CYP2F1: variants seen among roughly 807,000 people sequenced by gnomAD.
CYP2F1 encodes the protein cytochrome P450 2F1.
In CYP2F1, 33 loss-of-function variants were observed where a neutral mutation model predicts 40.4. The observed-to-expected ratio is 0.82, with a 90% confidence interval of 0.62 to 1.09. The LOEUF (loss-of-function observed/expected upper bound fraction) is 1.09, where lower values mean the gene tolerates loss of function less well. CYP2F1 is among the 50% of genes least tolerant of loss of function. The pLI, the probability that CYP2F1 is intolerant of heterozygous loss-of-function variation, is 0.00. For synonymous variants in CYP2F1, 235 were observed against 277.2 expected, an observed-to-expected ratio of 0.85 and a Z score of 1.51; for missense variants, 566 against 655.7, an observed-to-expected ratio of 0.86 and a Z score of 1.49.
rs757503304 is a variant in CYP2F1 at position 41,120,484 on chromosome 19, C to T, written c.472C>T (p.Arg158Trp). 55 of 1,611,644 alleles carry T rather than the reference C, an allele frequency of 3.4e-5. No homozygotes were observed. Among genetic ancestry groups the T allele is most frequent in the Non-Finnish European group, 4.2e-5 (50 of 1,179,438 alleles). The stretch of plus-strand genomic sequence containing the variant: ...GGGCAGCTTCCTGCTGGCGGAGCTG[C>T]GGAAAACTGAAGGTCAGGAATTTTT... Reference protein sequence around the residue: ...EEGSFLLAELRKTEGEPFDPT... With the variant: ...EEGSFLLAELWKTEGEPFDPT... Residue 158 changes from arginine to tryptophan, a missense_variant, in exon 4 of 10, where the codon CGG becomes TGG. Transcript: ENST00000331105.
At chr19:41,117,421 T>G (rs1199592566) in intron 3 of CYP2F1, among the ~76,000 whole-genome samples, 1 of 152,116 alleles carries the variant, frequency 6.6e-6, no homozygotes, top group Non-Finnish European at 1.5e-5. Flanking sequence ...CAAGAGCCAC[T>G]GCTCCTGGCC....
At chr19:41,125,397 T>C (rs1418305648) in intron 8 of CYP2F1, 96 bp from the exon 9 acceptor site, 4 of 657,390 alleles carry the variant, frequency 6.1e-6, no homozygotes, top group Non-Finnish European at 1.1e-5. Flanking sequence ...CCACCCCTTA[T>C]CAAGTCCCCA....
At position 41,127,888 on chromosome 19, in the gene CYP2F1, G is replaced by C; in HGVS notation, c.1295-13G>C. The C allele has an allele frequency of 1.9e-6, 3 of 1,606,812 alleles. No individual in the cohort carries two copies. The highest frequency in any genetic ancestry group is 2.6e-6 in the Non-Finnish European group (3 of 1,176,172). On this transcript the variant is annotated splice_polypyrimidine_tract_variant and intron_variant, in intron 9 of 9. Coordinates refer to ENST00000331105, the MANE Select transcript of CYP2F1 (RefSeq NM_000774.5). Reference sequence around the variant, plus strand: ...TTATCTCACCGCCGCTCCCCATCCTGCCACCCCTGCAGGGCGCCGTCTGTG... The same window carrying C: ...TTATCTCACCGCCGCTCCCCATCCTCCCACCCCTGCAGGGCGCCGTCTGTG...
At chr19:41,126,234 T>G (rs1203028955) in intron 9 of CYP2F1, among the ~76,000 whole-genome samples, 1 of 151,964 alleles carries the variant, frequency 6.6e-6, no homozygotes, top group Admixed American at 6.6e-5. Context: ...AAGATTAGCC[T>G]GACCAACATG....
chr19:41,128,247 C>G lies in CYP2F1; in HGVS notation c.*165C>G. On this transcript the variant is annotated 3_prime_UTR_variant, in exon 10 of 10. Transcript: ENST00000331105. ...CCTTCCCCCATCCCTCCAATCTGTG[C>G]CCCGTCTGCAGGGCAGAGGCAGATG... 1 of 627,770 alleles carries G rather than the reference C, an allele frequency of 1.6e-6. No homozygotes were observed. Among genetic ancestry groups the G allele is most frequent in the South Asian group, 2.3e-5 (1 of 44,278 alleles). The allele number at this position is 627,770 out of a possible 1,614,324, so 38.9% of individuals were successfully genotyped here. A position where few individuals can be genotyped will look rare whatever the true frequency, so the allele number is the denominator to read the frequency against.
At position 41,128,185 on chromosome 19, in the gene CYP2F1, C is replaced by T; in HGVS notation, c.*103C>T. The T allele has an allele frequency of 8.4e-7, 1 of 1,187,242 alleles. No individual in the cohort carries two copies. Among genetic ancestry groups the T allele is most frequent in the South Asian group, 1.6e-5 (1 of 64,322 alleles). 73.5% of individuals were successfully genotyped at this position (1,187,242 alleles called of 1,614,324 possible). A position where few individuals can be genotyped will look rare whatever the true frequency, so the allele number is the denominator to read the frequency against. On this transcript the variant is annotated 3_prime_UTR_variant, in exon 10 of 10. Transcript: ENST00000331105. ...AGTCTGCCCTCATCCCTCTGGCAGT[C>T]ACGCTGTCTTCCCTGCATGCTGTGC...
intron 6 of CYP2F1, 36 bp from the exon 7 acceptor site, chr19:41,122,786 T>C: frequency 6.6e-7 from 1 of 1,513,238 alleles, no homozygotes; most frequent in Non-Finnish European, 8.8e-7. Flanking sequence ...GGGGCCTCCA[T>C]TCCTGGCTCA....
At position 41,124,886 on chromosome 19, in the gene CYP2F1, C is replaced by T. The variant is rs758453484; in HGVS notation, c.1132C>T (p.Arg378Cys). Residue 378 changes from arginine to cysteine, a missense_variant, in exon 8 of 10, where the codon CGC (arginine) becomes TGC (cysteine). By Grantham distance (180) the Arg-to-Cys change is radical. Coordinates refer to ENST00000331105, the MANE Select transcript of CYP2F1 (RefSeq NM_000774.5). ...CCGCGTCACTAGGGACACGGCCTTT[C>T]GCGGCTTCCTGATACCCAAGGTGCG... is the stretch of plus-strand genomic sequence containing the variant. ...PHRVTRDTAF[R>C]GFLIPKGTDV... The T allele has an allele frequency of 1.2e-6, 2 of 1,606,954 alleles. No homozygotes were observed. Among genetic ancestry groups the T allele is most frequent in the Non-Finnish European group, 1.7e-6 (2 of 1,178,200 alleles).
Position 41,120,460 on chromosome 19 carries a change from G to C in CYP2F1, c.448G>C (p.Gly150Arg). The C allele has an allele frequency of 6.2e-7, 1 of 1,613,846 alleles. No homozygotes were observed. The highest frequency in any genetic ancestry group is 8.5e-7 in the Non-Finnish European group (1 of 1,179,936). Residue 150 changes from glycine to arginine, a missense_variant, in exon 4 of 10, where the codon GGC (glycine) becomes CGC (arginine). Around this residue, in one of 5 missense-constraint regions of CYP2F1, gnomAD observed 264 missense variants for 275.7 expected, o/e 0.96. Transcript: ENST00000331105. ...CATTGAGGAGCGAATCCTAGAGGAGGGCAGCTTCCTGCTGGCGGAGCTGCG... is the reference window on the plus strand; with the variant it reads ...CATTGAGGAGCGAATCCTAGAGGAGCGCAGCTTCCTGCTGGCGGAGCTGCG... ...RSIEERILEE[G>R]SFLLAELRKT...
At chr19:41,122,490 A>G (rs2032275927) in intron 6 of CYP2F1, among the ~76,000 whole-genome samples, 1 of 152,004 alleles carries the variant, frequency 6.6e-6, no homozygotes. Context: ...ACACACATAC[A>G]TACACACACA....
intron 9 of CYP2F1, among the ~76,000 whole-genome samples, chr19:41,126,449 T>C (rs2032550852): frequency 6.7e-6 from 1 of 149,808 alleles, no homozygotes; most frequent in Non-Finnish European, 1.5e-5. Flanking sequence ...ATAATAATTA[T>C]AATAATTATT....
In CYP2F1 at chr19:41,120,314, C is replaced by T. The variant is rs147404041; in HGVS notation, c.335-33C>T. ...GTGGCAGTGGCCTCAGGATGAGTTC[C>T]CGGTTAAGCTGGTCCCCTCCTCTTC... On this transcript the variant is annotated intron_variant, in intron 3 of 9. Transcript: ENST00000331105. The T allele has an allele frequency of 9.6e-4, 1,488 of 1,554,820 alleles. 10 individuals are homozygous for T. The African/African-American group carries it at 0.016, about 17-fold the overall frequency.
Position 41,128,229 on chromosome 19 carries a change from C to T in CYP2F1, c.*147C>T. 1.4e-6 allele frequency: 1 copy of T among 710,194 alleles called. No individual in the cohort carries two copies. The highest frequency in any genetic ancestry group is 2.0e-5 in the South Asian group (1 of 49,934). 44.0% of individuals were successfully genotyped at this position (710,194 alleles called of 1,614,324 possible). A position where few individuals can be genotyped will look rare whatever the true frequency, so the allele number is the denominator to read the frequency against. On this transcript the variant is annotated 3_prime_UTR_variant, in exon 10 of 10. Coordinates refer to ENST00000331105, the MANE Select transcript of CYP2F1 (RefSeq NM_000774.5). ...GCTGTGCCTGCCGCGTGCCCTTCCCCCATCCCTCCAATCTGTGCCCCGTCT... is the reference window on the plus strand; with the variant it reads ...GCTGTGCCTGCCGCGTGCCCTTCCCTCATCCCTCCAATCTGTGCCCCGTCT...
At chr19:41,127,321 G>A (rs1389030520) in intron 9 of CYP2F1, among the ~76,000 whole-genome samples, 1 of 152,048 alleles carries the variant, frequency 6.6e-6, no homozygotes, top group Non-Finnish European at 1.5e-5. Context: ...GCCTCATGAG[G>A]CACTATTACT....
chr19:41,126,242 A>T (rs1281203657), intron 9 of CYP2F1, among the ~76,000 whole-genome samples: 1 of 151,854 alleles, frequency 6.6e-6, no homozygotes, highest in African/African-American at 2.4e-5. Flanking sequence ...CCTGACCAAC[A>T]TGGTGAAACC....
intron 1 of CYP2F1, among the ~76,000 whole-genome samples, chr19:41,115,049 C>A (rs1411185073): frequency 6.6e-6 from 1 of 152,078 alleles, no homozygotes; most frequent in African/African-American, 2.4e-5. Flanking sequence ...GGATTACAGG[C>A]GTGAGCCACC....
intron 4 of CYP2F1, 109 bp downstream of exon 4, chr19:41,120,605 C>T: frequency 8.3e-7 from 1 of 1,206,252 alleles, no homozygotes; most frequent in South Asian, 1.3e-5. Flanking sequence ...CCTCAACCTC[C>T]CGAATAGCTG....
In CYP2F1 at chr19:41,128,372, C is replaced by T. The variant is rs962283317; in HGVS notation, c.*290C>T. 21 of 350,838 alleles carry T rather than the reference C, an allele frequency of 6.0e-5. No homozygotes were observed. The highest frequency in any genetic ancestry group is 9.7e-5 in the Non-Finnish European group (19 of 195,634). The allele number at this position is 350,838 out of a possible 1,614,324, so 21.7% of individuals were successfully genotyped here. On this transcript the variant is annotated 3_prime_UTR_variant, in exon 10 of 10. Transcript: ENST00000331105. ...TACATTGTAATAGATTCAAACCAGT[C>T]TTGGCTGAATTAAAGTGAGAATGAG...
chr19:41,120,316 G>A lies in CYP2F1; in HGVS notation c.335-31G>A, dbSNP rs528417534. On this transcript the variant is annotated intron_variant, in intron 3 of 9. Coordinates refer to ENST00000331105, the MANE Select transcript of CYP2F1 (RefSeq NM_000774.5). ...GGCAGTGGCCTCAGGATGAGTTCCC[G>A]GTTAAGCTGGTCCCCTCCTCTTCTC... 3.3e-5 allele frequency: 51 copies of A among 1,561,308 alleles called. No individual in the cohort carries two copies. The African/African-American group carries it at 6.6e-4, about 20-fold the overall frequency.
Sources: gnomAD v4.1 joint callset for allele counts (sites outside exome capture counted in the v4.1 genomes callset) on GRCh38, gnomAD v4.1.1 for gene constraint, gnomAD v4.1.1 regional missense constraint, MANE v1.5 for transcripts, NCBI Gene and HGNC (gene_info 2026-07-23, HGNC 2026-07-21) for gene names.